Variants in UBE2D2 observed in about 807,000 individuals in gnomAD.
The protein encoded by UBE2D2 is ubiquitin-conjugating enzyme E2 D2.
A neutral mutation model predicts 24.2 loss-of-function variants in UBE2D2; 2 were observed. The ratio of observed to expected loss-of-function variants is 0.08; its 90% confidence interval spans 0.03 to 0.26. The LOEUF (loss-of-function observed/expected upper bound fraction) is 0.26, where lower values mean the gene tolerates loss of function less well. UBE2D2 is among the 10% of genes least tolerant of loss of function. The pLI, the probability that UBE2D2 is intolerant of heterozygous loss-of-function variation, is 1.00. For missense variants in UBE2D2, 44 were observed against 177.6 expected, an observed-to-expected ratio of 0.25 and a Z score of 4.28; for synonymous variants, 58 against 56.5, an observed-to-expected ratio of 1.03 and a Z score of -0.12.
rs1315504146 is a variant in UBE2D2 at position 139,561,565 on chromosome 5, C to A, written c.-227C>A. On this transcript the variant is annotated 5_prime_UTR_variant, in exon 1 of 7. Transcript: ENST00000398733. ...GCGGCGGCGGTGGCGGCTAGGGCGG[C>A]GGCGAATAAAGGGGCCGCCGCCGGG... is the stretch of plus-strand genomic sequence containing the variant. 1 of 421,360 alleles carries A rather than the reference C, an allele frequency of 2.4e-6. No individual in the cohort carries two copies. The highest frequency in any genetic ancestry group is 4.2e-6 in the Non-Finnish European group (1 of 239,678). 26.1% of individuals were successfully genotyped at this position (421,360 alleles called of 1,614,324 possible). A position where few individuals can be genotyped will look rare whatever the true frequency, so the allele number is the denominator to read the frequency against.
At chr5:139,528,132 C>G (rs1263959527) in intron 1 of UBE2D2, among the ~76,000 whole-genome samples, 1 of 152,202 alleles carries the variant, frequency 6.6e-6, no homozygotes, top group African/African-American at 2.4e-5. Context: ...AGAGAGGAAA[C>G]TTAGTATTCC....
At chr5:139,565,282 T>C (rs1753192977) in intron 1 of UBE2D2, among the ~76,000 whole-genome samples, 1 of 152,214 alleles carries the variant, frequency 6.6e-6, no homozygotes, top group Non-Finnish European at 1.5e-5. Flanking sequence ...CCATGTCTTT[T>C]TTGGAAAAAG....
chr5:139,577,274 T>C (rs1753494610), intron 1 of UBE2D2, among the ~76,000 whole-genome samples: 1 of 152,142 alleles, frequency 6.6e-6, no homozygotes, highest in South Asian at 2.1e-4. Flanking sequence ...TTTTACATAT[T>C]GTATTTCAAA....
At chr5:139,607,690 T>C (rs747737294) in intron 2 of UBE2D2, among the ~76,000 whole-genome samples, 4 of 152,162 alleles carry the variant, frequency 2.6e-5, no homozygotes, top group African/African-American at 9.7e-5. Context: ...ATCTATGATG[T>C]TGAGTTAAAA....
intron 1 of UBE2D2, among the ~76,000 whole-genome samples, chr5:139,598,103 A>ATG (rs1753995920): frequency 6.6e-6 from 1 of 152,024 alleles, no homozygotes; most frequent in Non-Finnish European, 1.5e-5. Context: ...GGGTTTCACC[A>ATG]TGTTAGCCAG....
intron 6 of UBE2D2, among the ~76,000 whole-genome samples, chr5:139,625,648 C>T (rs901958368): frequency 6.6e-6 from 1 of 151,306 alleles, no homozygotes; most frequent in African/African-American, 2.4e-5. Context: ...CTCCGTTGCC[C>T]AGGTGGAATG....
chr5:139,613,576 T>C (rs1754366621), intron 2 of UBE2D2, among the ~76,000 whole-genome samples: 1 of 152,162 alleles, frequency 6.6e-6, no homozygotes, highest in South Asian at 2.1e-4. Context: ...TCAGCTAATA[T>C]TTTCTTCTTA....
upstream of UBE2D2, among the ~76,000 whole-genome samples, chr5:139,560,894 T>C (rs1753062145): frequency 6.6e-6 from 1 of 152,108 alleles, no homozygotes; most frequent in African/African-American, 2.4e-5. Context: ...CCACGCGGCC[T>C]CTGGAAAGAG....
rs192836093 is a variant in UBE2D2, at chr5:139,543,574, G to A, written c.-64+16962G>A. ...CCGGCGACGACACGGGGGACCGGAC[G>A]GAGCCTCGGGCCGCCAGGGAGGGGC... On this transcript the variant is annotated intron_variant, in intron 1 of 6. Transcript: ENST00000511725. Among the ~76,000 whole-genome samples the A allele has an allele frequency of 1.6e-4, 24 of 152,354 alleles. No homozygotes were observed. In the East Asian group the frequency reaches 4.4e-3, roughly 28 times the overall value.
intron 1 of UBE2D2, among the ~76,000 whole-genome samples, chr5:139,579,619 A>G (rs1391432707): frequency 1.3e-5 from 2 of 152,114 alleles, no homozygotes; most frequent in Non-Finnish European, 2.9e-5. Flanking sequence ...AAAGTCTTAC[A>G]ATCAGTGACA....
intron 1 of UBE2D2, among the ~76,000 whole-genome samples, chr5:139,588,694 G>C (rs1160145064): frequency 6.6e-6 from 1 of 152,162 alleles, no homozygotes. Flanking sequence ...AGTATTAGCT[G>C]TATATTTGAT....
intron 1 of UBE2D2, among the ~76,000 whole-genome samples, chr5:139,546,807 C>CTTCTTTCT (rs1405538149): frequency 3.5e-5 from 5 of 141,834 alleles, no homozygotes; most frequent in Non-Finnish European, 7.7e-5. Flanking sequence ...TTCTTTCTTT[C>CTTCTTTCT]TTCTTTCTTT....
At chr5:139,548,193 A>AAAAT (rs1388715344) in intron 1 of UBE2D2, among the ~76,000 whole-genome samples, 2,000 of 43,608 alleles carry the variant, frequency 0.046, 42 homozygotes, top group Middle Eastern at 0.085. Flanking sequence ...ATAAAAAAAA[A>AAAAT]AAATAAATAA....
chr5:139,614,463 G>GC, intron 2 of UBE2D2, 123 bp from the exon 3 acceptor site: 1 of 1,129,806 alleles, frequency 8.9e-7, no homozygotes, highest in South Asian at 1.4e-5. Flanking sequence ...TCCTCATCTT[G>GC]CTCATACTCA....
intron 1 of UBE2D2, among the ~76,000 whole-genome samples, chr5:139,544,429 C>T (rs1308651351): frequency 1.3e-5 from 2 of 151,640 alleles, no homozygotes; most frequent in Non-Finnish European, 2.9e-5. Context: ...GCTGGGATTA[C>T]AGGCGTCCAC....
intron 1 of UBE2D2, among the ~76,000 whole-genome samples, chr5:139,533,542 C>A (rs539949275): frequency 6.6e-6 from 1 of 151,510 alleles, no homozygotes; most frequent in East Asian, 2.0e-4. Flanking sequence ...CCCAGCTACT[C>A]GGGAGGCTGA....
chr5:139,568,341 C>CA (rs111902455), intron 1 of UBE2D2, among the ~76,000 whole-genome samples: 130 of 138,012 alleles, frequency 9.4e-4, no homozygotes, highest in Admixed American at 1.4e-3. Flanking sequence ...GACTCCATCT[C>CA]AAAAAAAAAA....
At chr5:139,527,360 A>G (rs1024638199) in intron 1 of UBE2D2, among the ~76,000 whole-genome samples, 1 of 152,210 alleles carries the variant, frequency 6.6e-6, no homozygotes, top group Non-Finnish European at 1.5e-5. Context: ...ACCAGCAGAG[A>G]GAAAAAAAGG....
rs188946874 is a variant in UBE2D2, at chr5:139,601,677, G to A, written c.88+1242G>A. 3.9e-3 allele frequency among the ~76,000 whole-genome samples: 588 copies of A among 152,044 alleles called. 3 individuals are homozygous for A. The highest frequency in any genetic ancestry group is 0.014 in the Middle Eastern group (4 of 292). ...TCTAATCCCAGCACTTTGAAAGGCC[G>A]AGGCGGGCGGATCACGAGGTCAGAG... On this transcript the variant is annotated intron_variant, in intron 2 of 6. Transcript: ENST00000398733.
Sources: allele counts gnomAD v4.1 joint callset (sites outside exome capture counted in the v4.1 genomes callset), GRCh38; gene constraint gnomAD v4.1.1; transcripts MANE v1.5; gene names NCBI Gene and HGNC (gene_info 2026-07-23, HGNC 2026-07-21).